The following LRRC51 variants were observed in gnomAD, a reference collection of about 807,000 sequenced individuals.
The protein encoded by LRRC51 is leucine rich repeat containing 51.
LRRC51 carries 8 observed loss-of-function variants against 17.8 expected under a neutral mutation model. The ratio of observed to expected loss-of-function variants is 0.45; its 90% CI spans 0.26 to 0.81. The LOEUF (loss-of-function observed/expected upper bound fraction) is 0.81, where lower values mean the gene tolerates loss of function less well. LRRC51 is among the 30% of genes least tolerant of loss of function. The pLI, the probability that LRRC51 is intolerant of heterozygous loss-of-function variation, is 0.17. For missense variants in LRRC51, 233 were observed against 239.3 expected, an observed-to-expected ratio of 0.97 and a Z score of 0.17; for synonymous variants, 92 against 96.0, an observed-to-expected ratio of 0.96 and a Z score of 0.24.
chr11:72,088,667 G>A (rs1437817122), intron 2 of LRRC51: 1 of 542,870 alleles, frequency 1.8e-6, no homozygotes. Flanking sequence ...CTACTGTAGA[G>A]TAACAGAAAA....
At chr11:72,081,041 C>T (rs1270336867) in intron 1 of LRRC51, among the ~76,000 whole-genome samples, 156 bp downstream of exon 1, 1 of 152,208 alleles carries the variant, frequency 6.6e-6, no homozygotes, top group Non-Finnish European at 1.5e-5. Context: ...CAAGATACAA[C>T]ACTCACATGG....
At chr11:72,088,015 G>A (rs1039824757) in intron 1 of LRRC51, among the ~76,000 whole-genome samples, 3 of 152,170 alleles carry the variant, frequency 2.0e-5, no homozygotes, top group African/African-American at 7.2e-5. Context: ...ATAATACAAA[G>A]GTGGCAGCAG....
intron 4 of LRRC51, chr11:72,094,493 A>C (rs190008154): frequency 1.7e-6 from 1 of 582,486 alleles, no homozygotes; most frequent in East Asian, 2.8e-5. Context: ...TTTCTAGTCC[A>C]AGATCCCTAA....
At position 72,094,939 on chromosome 11, in the gene LRRC51, C is replaced by A. The variant is rs201807425; in HGVS notation, c.289-9C>A. On this transcript the variant is annotated splice_polypyrimidine_tract_variant and intron_variant, in intron 4 of 5. Transcript: ENST00000289488. ...GTCTAGCCTGGCTTTTGGTTTCCCT[C>A]CCCAACAGGTCCTAACAACTTTCTT... is the stretch of plus-strand genomic sequence containing the variant. The A allele has an allele frequency of 6.2e-7, 1 of 1,614,120 alleles. No homozygotes were observed. The highest frequency in any genetic ancestry group is 2.2e-5 in the East Asian group (1 of 44,876).
At chr11:72,090,065 A>G (rs746356802) in intron 3 of LRRC51, among the ~76,000 whole-genome samples, 4 of 152,244 alleles carry the variant, frequency 2.6e-5, no homozygotes, top group African/African-American at 4.8e-5. Flanking sequence ...AAGCTCGGGA[A>G]GCTGGCAAAT....
intron 3 of LRRC51, 60 bp downstream of exon 3, chr11:72,089,225 G>T (rs1173392935): frequency 6.2e-7 from 1 of 1,611,752 alleles, no homozygotes. Flanking sequence ...GTGGTCCCTA[G>T]GAAGAAACCA....
At chr11:72,086,082 G>C (rs1363442052) in intron 1 of LRRC51, 1 of 236,792 alleles carries the variant, frequency 4.2e-6, no homozygotes, top group Non-Finnish European at 8.2e-6. Context: ...TAGGCAAAAA[G>C]AGATGGATAC....
chr11:72,094,858 A>C (rs1945086009), intron 4 of LRRC51, 90 bp from the exon 5 acceptor site: 6 of 1,613,898 alleles, frequency 3.7e-6, no homozygotes. Flanking sequence ...TGTTCCCCAC[A>C]TTCTTCCTTC....
At chr11:72,089,321 AG>A in intron 3 of LRRC51, 156 bp downstream of exon 3, 1 of 1,500,504 alleles carries the variant, frequency 6.7e-7, no homozygotes, top group African/African-American at 1.4e-5. Context: ...GGAGAGTGAG[AG>A]GTTTTTTTCT....
intron 3 of LRRC51, among the ~76,000 whole-genome samples, chr11:72,092,979 C>A (rs1944950182): frequency 1.3e-5 from 2 of 152,194 alleles, no homozygotes; most frequent in Admixed American, 1.3e-4. Context: ...CTGCTCTCTG[C>A]CCTATTATTC....
intron 1 of LRRC51, among the ~76,000 whole-genome samples, chr11:72,083,092 C>T (rs927128528): frequency 1.3e-5 from 2 of 152,072 alleles, no homozygotes; most frequent in Admixed American, 1.3e-4. Flanking sequence ...CTCGAACTCC[C>T]GACCTCAGGT....
chr11:72,088,388 A>G lies in LRRC51; in HGVS notation c.-56+8A>G, dbSNP rs1404428810. On this transcript the variant is annotated splice_region_variant and intron_variant, in intron 2 of 5. Coordinates refer to ENST00000289488, the MANE Select transcript of LRRC51 (RefSeq NM_145309.6). ...TTCAGCCATCAGTGACAGGTGAGTGAGAGGTAGACTCTGGTTTTGTGTGTG... is the reference window on the plus strand; with the variant it reads ...TTCAGCCATCAGTGACAGGTGAGTGGGAGGTAGACTCTGGTTTTGTGTGTG... 1.4e-6 allele frequency: 1 copy of G among 702,436 alleles called. No individual in the cohort carries two copies. The highest frequency in any genetic ancestry group is 1.7e-5 in the African/African-American group (1 of 57,250). 43.5% of individuals were successfully genotyped at this position (702,436 alleles called of 1,614,324 possible).
At chr11:72,089,219 T>C (rs1944713158) in intron 3 of LRRC51, 54 bp downstream of exon 3, 1 of 1,613,030 alleles carries the variant, frequency 6.2e-7, no homozygotes, top group East Asian at 2.2e-5. Flanking sequence ...CCCAGTGTGG[T>C]CCCTAGGAAG....
rs1236575083 is a variant in LRRC51 at position 72,093,622 on chromosome 11, T to G, written c.209T>G (p.Val70Gly). ...VLNDLRDFNQ[V>G]ASQLLEHPEN... ...AATGATCTGAGAGACTTCAACCAGG[T>G]GGCTTCACAGCTGTTGGAGCACCCA... is the stretch of plus-strand genomic sequence containing the variant. Residue 70 changes from valine to glycine, a missense_variant, in exon 4 of 6, where the codon GTG becomes GGG. Val to Gly is a moderately radical substitution (Grantham distance 109, BLOSUM62 -3). Coordinates refer to ENST00000289488, the MANE Select transcript of LRRC51 (RefSeq NM_145309.6). 1 of 1,614,210 alleles carries G rather than the reference T, an allele frequency of 6.2e-7. No homozygotes were observed. Among genetic ancestry groups the G allele is most frequent in the Middle Eastern group, 1.6e-4 (1 of 6,062 alleles).
At position 72,095,707 on chromosome 11, in the gene LRRC51, C is replaced by G. The variant is rs943651015; in HGVS notation, c.*187C>G. 7 of 1,402,010 alleles carry G rather than the reference C, an allele frequency of 5.0e-6. No homozygotes were observed. In the Admixed American group the frequency reaches 7.6e-5, roughly 15 times the overall value. 86.8% of individuals were successfully genotyped at this position (1,402,010 alleles called of 1,614,324 possible). The stretch of plus-strand genomic sequence containing the variant: ...TTTTTTTTTGAGACGGAGTCTCACT[C>G]TGTCACACAGGCTGGAGTGCAGTGG... On this transcript the variant is annotated 3_prime_UTR_variant, in exon 6 of 6. Coordinates refer to ENST00000289488, the MANE Select transcript of LRRC51 (RefSeq NM_145309.6).
In LRRC51 at chr11:72,081,309, C is replaced by G. The variant is rs1389899822; in HGVS notation, c.-140+424C>G. 6.6e-5 allele frequency among the ~76,000 whole-genome samples: 10 copies of G among 152,256 alleles called. No homozygotes were observed. The East Asian group carries it at 1.7e-3, about 26-fold the overall frequency. On this transcript the variant is annotated intron_variant, in intron 1 of 5. Coordinates refer to ENST00000289488, the MANE Select transcript of LRRC51 (RefSeq NM_145309.6). ...TGGTGGCGCGCTCCAGTGGCCCCAGCTACTAGGGAGGCTGAGGTAGAAGGA... is the reference window on the plus strand; with the variant it reads ...TGGTGGCGCGCTCCAGTGGCCCCAGGTACTAGGGAGGCTGAGGTAGAAGGA...
intron 3 of LRRC51, among the ~76,000 whole-genome samples, chr11:72,091,322 G>C (rs536722159): frequency 1.3e-5 from 2 of 152,202 alleles, no homozygotes; most frequent in Admixed American, 1.3e-4. Flanking sequence ...TATGGGGAGG[G>C]AAGCAGGATT....
chr11:72,084,297 A>G (rs1944405342), intron 1 of LRRC51, among the ~76,000 whole-genome samples: 1 of 152,200 alleles, frequency 6.6e-6, no homozygotes, highest in African/African-American at 2.4e-5. Flanking sequence ...CTGTGTTATC[A>G]TGTTGCAACT....
chr11:72,081,246 C>T (rs543948182), intron 1 of LRRC51, among the ~76,000 whole-genome samples: 28 of 152,226 alleles, frequency 1.8e-4, no homozygotes, highest in African/African-American at 6.5e-4. Context: ...CATGGCGAAC[C>T]CTGTCTCTAC....
Sources: allele counts gnomAD v4.1 joint callset (sites outside exome capture counted in the v4.1 genomes callset), GRCh38; gene constraint gnomAD v4.1.1; transcripts MANE v1.5; gene names NCBI Gene and HGNC (gene_info 2026-07-23, HGNC 2026-07-21).